Variants in DTNBP1 observed in about 807,000 individuals in gnomAD.
The protein encoded by DTNBP1 is dysbindin.
A neutral mutation model predicts 42.8 loss-of-function variants in DTNBP1; 35 were observed. The observed-to-expected ratio is 0.82, with a 90% CI of 0.63 to 1.09. The LOEUF is 1.09. DTNBP1 is among the 50% of genes least tolerant of loss of function. The pLI, the probability that DTNBP1 is intolerant of heterozygous loss-of-function variation, is 0.00. For synonymous variants in DTNBP1, 171 were observed against 162.2 expected, an observed-to-expected ratio of 1.05 and a Z score of -0.41; for missense variants, 457 against 424.2, an observed-to-expected ratio of 1.08 and a Z score of -0.68.
intron 3 of DTNBP1, among the ~76,000 whole-genome samples, chr6:15,650,582 T>G (rs1760935179): frequency 6.6e-6 from 1 of 152,144 alleles, no homozygotes; most frequent in Non-Finnish European, 1.5e-5. Flanking sequence ...GCGACCGGCC[T>G]CATTGTGGTT....
chr6:15,576,265 C>T (rs1449856821), intron 7 of DTNBP1, among the ~76,000 whole-genome samples: 3 of 151,866 alleles, frequency 2.0e-5, no homozygotes, highest in African/African-American at 4.8e-5. Flanking sequence ...ATTACAGGCA[C>T]GTACCACCAC....
chr6:15,523,292 T>G, intron 9 of DTNBP1, 73 bp from the exon 10 acceptor site: 5 of 1,588,266 alleles, frequency 3.1e-6, no homozygotes, highest in Non-Finnish European at 4.3e-6. Context: ...CCAACAGCTG[T>G]GGAATGTGCC....
intron 1 of DTNBP1, among the ~76,000 whole-genome samples, chr6:15,656,465 G>A (rs1761287950): frequency 6.6e-6 from 1 of 152,262 alleles, no homozygotes. Flanking sequence ...TTTGAGCTTT[G>A]TAGAAAATAC....
At chr6:15,595,106 C>G (rs534465917) in intron 6 of DTNBP1, 87 of 456,078 alleles carry the variant, frequency 1.9e-4, no homozygotes, top group South Asian at 1.2e-3. Flanking sequence ...GCGTCATGAC[C>G]CACAACTCCA....
At chr6:15,579,388 A>C (rs1581351660) in intron 7 of DTNBP1, among the ~76,000 whole-genome samples, 1 of 152,236 alleles carries the variant, frequency 6.6e-6, no homozygotes, top group Admixed American at 6.5e-5. Flanking sequence ...AGAGGCTGGG[A>C]ACGGAGAGTT....
chr6:15,619,975 C>T (rs1252390351), intron 5 of DTNBP1, among the ~76,000 whole-genome samples: 2 of 151,350 alleles, frequency 1.3e-5, no homozygotes, highest in African/African-American at 4.9e-5. Flanking sequence ...CTTATAAAAA[C>T]TCCCTCTCCT....
chr6:15,658,715 C>T (rs996607800), intron 1 of DTNBP1, among the ~76,000 whole-genome samples: 8 of 152,190 alleles, frequency 5.3e-5, no homozygotes, highest in Admixed American at 3.9e-4. Flanking sequence ...AGAGTGGCTT[C>T]GAAGTATGTA....
At chr6:15,639,873 G>C (rs1392791784) in intron 3 of DTNBP1, among the ~76,000 whole-genome samples, 1 of 152,132 alleles carries the variant, frequency 6.6e-6, no homozygotes, top group Non-Finnish European at 1.5e-5. Flanking sequence ...CAGTGGGAAA[G>C]AGAAAATTAA....
At chr6:15,569,692 C>T (rs79339946) in intron 7 of DTNBP1, among the ~76,000 whole-genome samples, 6,850 of 152,276 alleles carry the variant, frequency 0.045, 205 homozygotes, top group African/African-American at 0.074. Context: ...CCACAGAGGC[C>T]TTCTTTCAGT....
chr6:15,593,575 A>G (rs1776385233), intron 6 of DTNBP1, among the ~76,000 whole-genome samples: 1 of 152,248 alleles, frequency 6.6e-6, no homozygotes, highest in Non-Finnish European at 1.5e-5. Context: ...CAAAGGATTG[A>G]GGTGCACAGC....
intron 6 of DTNBP1, among the ~76,000 whole-genome samples, chr6:15,607,550 C>G (rs1758148117): frequency 6.6e-6 from 1 of 152,158 alleles, no homozygotes; most frequent in African/African-American, 2.4e-5. Context: ...GATCTGCCCG[C>G]CTCAGCCTCC....
chr6:15,639,832 C>T (rs373639785), intron 3 of DTNBP1, among the ~76,000 whole-genome samples: 9 of 152,270 alleles, frequency 5.9e-5, no homozygotes, highest in South Asian at 2.1e-4. Flanking sequence ...TTCAGGACTT[C>T]GTGGTAAAAT....
At chr6:15,621,988 A>C (rs1378284412) in intron 5 of DTNBP1, among the ~76,000 whole-genome samples, 1 of 152,110 alleles carries the variant, frequency 6.6e-6, no homozygotes, top group Non-Finnish European at 1.5e-5. Flanking sequence ...GTACTCTCAT[A>C]TCTCTCAGGA....
At chr6:15,579,920 T>C in intron 7 of DTNBP1, 1 of 419,012 alleles carries the variant, frequency 2.4e-6, no homozygotes, top group Non-Finnish European at 4.9e-6. Context: ...TACATATATG[T>C]ATCAAAACTT....
chr6:15,644,647 A>C (rs1192390894), intron 3 of DTNBP1, among the ~76,000 whole-genome samples: 1 of 152,208 alleles, frequency 6.6e-6, no homozygotes, highest in African/African-American at 2.4e-5. Flanking sequence ...TCACACAAGT[A>C]TATGGAAACT....
chr6:15,539,295 T>G (rs1356976269), intron 7 of DTNBP1, among the ~76,000 whole-genome samples: 1 of 152,232 alleles, frequency 6.6e-6, no homozygotes, highest in Non-Finnish European at 1.5e-5. Flanking sequence ...CCTCTCTCCA[T>G]TTCCTGCTAC....
chr6:15,583,721 T>C (rs1340146964), intron 7 of DTNBP1, among the ~76,000 whole-genome samples: 8 of 152,252 alleles, frequency 5.3e-5, no homozygotes, highest in African/African-American at 1.9e-4. Context: ...TATTTATTCA[T>C]GATACCAAAC....
At chr6:15,615,594 T>A (rs1212305121) in intron 5 of DTNBP1, among the ~76,000 whole-genome samples, 195 bp from the exon 6 acceptor site, 2 of 152,242 alleles carry the variant, frequency 1.3e-5, no homozygotes, top group Admixed American at 1.3e-4. Context: ...CTTTTTTGAC[T>A]ACATTTCAAG....
intron 7 of DTNBP1, among the ~76,000 whole-genome samples, chr6:15,560,524 T>C (rs1432700810): frequency 6.6e-6 from 1 of 152,230 alleles, no homozygotes; most frequent in Non-Finnish European, 1.5e-5. Context: ...ATCTGTTTTC[T>C]TTTGTAACAG....
Sources: gnomAD v4.1 joint callset for allele counts (sites outside exome capture counted in the v4.1 genomes callset) on GRCh38, gnomAD v4.1.1 for gene constraint, MANE v1.5 for transcripts, NCBI Gene and HGNC (gene_info 2026-07-23, HGNC 2026-07-21) for gene names.